Variants in HNRNPM observed in about 807,000 individuals in gnomAD.
The protein encoded by HNRNPM is heterogeneous nuclear ribonucleoprotein M, also known as CEA receptor.
A neutral mutation model predicts 73.1 loss-of-function variants in HNRNPM; 11 were observed. The observed-to-expected ratio is 0.15, with a 90% CI of 0.09 to 0.25. The LOEUF (loss-of-function observed/expected upper bound fraction) is 0.25. HNRNPM is among the 10% of genes least tolerant of loss of function. The pLI is 1.00. For missense variants in HNRNPM, 789 were observed against 1,067.9 expected, an observed-to-expected ratio of 0.74 and a Z score of 3.64; for synonymous variants, 407 against 355.2, an observed-to-expected ratio of 1.15 and a Z score of -1.64.
At chr19:8,446,325 C>T (rs949300322) in intron 1 of HNRNPM, among the ~76,000 whole-genome samples, 4 of 152,214 alleles carry the variant, frequency 2.6e-5, no homozygotes, top group Admixed American at 1.3e-4. Flanking sequence ...TCTTTCCTTT[C>T]TGTCTGTGAC....
At position 8,463,938 on chromosome 19, in the gene HNRNPM, C is replaced by G. The variant is rs139621012; in HGVS notation, c.438+252C>G. On this transcript the variant is annotated intron_variant, in intron 5 of 15. Coordinates refer to ENST00000325495, the MANE Select transcript of HNRNPM (RefSeq NM_005968.5). ...TGTGATTTGTCTGAGGCCTTGTTGT[C>G]TCAGGGACTCTCAAACCATGAGCCC... 6.2e-4 allele frequency: 271 copies of G among 437,306 alleles called. 1 individual carries two copies. Among genetic ancestry groups the G allele is most frequent in the African/African-American group, 4.6e-3 (236 of 50,826 alleles). 27.1% of individuals were successfully genotyped at this position (437,306 alleles called of 1,614,324 possible).
At chr19:8,478,590 T>G (rs908439606) in intron 12 of HNRNPM, among the ~76,000 whole-genome samples, 11 of 152,038 alleles carry the variant, frequency 7.2e-5, no homozygotes, top group African/African-American at 1.9e-4. Context: ...AGTCAGCTGG[T>G]TTTTTTTAAG....
intron 7 of HNRNPM, among the ~76,000 whole-genome samples, chr19:8,466,670 G>T (rs1340788734): frequency 6.6e-6 from 1 of 151,718 alleles, no homozygotes; most frequent in Admixed American, 6.6e-5. Flanking sequence ...ACTAAAAAAT[G>T]CAAAAATTAG....
intron 13 of HNRNPM, among the ~76,000 whole-genome samples, chr19:8,484,465 A>ACC (rs1170518145): frequency 1.3e-5 from 2 of 152,120 alleles, no homozygotes; most frequent in African/African-American, 4.8e-5. Context: ...GAGCCACCAC[A>ACC]CCCAGCTGCC....
chr19:8,449,249 A>G (rs1568256368), intron 1 of HNRNPM, among the ~76,000 whole-genome samples: 1 of 152,204 alleles, frequency 6.6e-6, no homozygotes. Context: ...GGTTAGGGAA[A>G]GAGATACTAG....
In HNRNPM at chr19:8,486,099, CATGGGCGCCAACAATCTGGAGCGG is replaced by C; in HGVS notation, c.1678_1701del (p.Ala560_Gly567del). On this transcript the variant is annotated inframe_deletion, in exon 14 of 16. Coordinates refer to ENST00000325495, the MANE Select transcript of HNRNPM (RefSeq NM_005968.5). ...ATCGCATGGCCACCGGCCTGGAGCG[CATGGGCGCCAACAATCTGGAGCGG>C]ATGGGCCTGGAGCGCATGGGCGCCA... is the stretch of plus-strand genomic sequence containing the variant. The C allele has an allele frequency of 6.2e-7, 1 of 1,606,308 alleles. No homozygotes were observed. The highest frequency in any genetic ancestry group is 8.5e-7 in the Non-Finnish European group (1 of 1,179,520).
chr19:8,486,110 A>G lies in HNRNPM; in HGVS notation c.1682A>G (p.Asn561Ser). The G allele has an allele frequency of 4.4e-6, 7 of 1,604,974 alleles. No individual in the cohort carries two copies. Among genetic ancestry groups the G allele is most frequent in the Non-Finnish European group, 5.9e-6 (7 of 1,179,230 alleles). Residue 561 changes from asparagine to serine, a missense_variant, in exon 14 of 16, where the codon AAC becomes AGC. By Grantham distance (46) the Asn-to-Ser change is conservative. This residue lies in a region of HNRNPM where 604 missense variants were observed against 744.0 expected (regional missense o/e 0.81). Transcript: ENST00000325495. The stretch of plus-strand genomic sequence containing the variant: ...ACCGGCCTGGAGCGCATGGGCGCCA[A>G]CAATCTGGAGCGGATGGGCCTGGAG... ...MATGLERMGA[N>S]NLERMGLERM...
chr19:8,453,743 A>T (rs890156414), intron 1 of HNRNPM, among the ~76,000 whole-genome samples: 1 of 152,120 alleles, frequency 6.6e-6, no homozygotes, highest in Non-Finnish European at 1.5e-5. Context: ...CTGGCTCCTC[A>T]CTTGTTCCTG....
At chr19:8,470,899 C>G (rs1345392608) in intron 9 of HNRNPM, among the ~76,000 whole-genome samples, 2 of 152,080 alleles carry the variant, frequency 1.3e-5, no homozygotes, top group Non-Finnish European at 2.9e-5. Flanking sequence ...TAGTGGACAC[C>G]CAGGATGTTG....
chr19:8,445,815 T>C (rs1201474928), intron 1 of HNRNPM, among the ~76,000 whole-genome samples: 2 of 152,226 alleles, frequency 1.3e-5, no homozygotes, highest in Non-Finnish European at 2.9e-5. Context: ...ATCTGCTGCT[T>C]AGCGTTCACC....
intron 12 of HNRNPM, among the ~76,000 whole-genome samples, chr19:8,474,996 T>TGG (rs1355317210): frequency 6.6e-6 from 1 of 152,250 alleles, no homozygotes; most frequent in African/African-American, 2.4e-5. Flanking sequence ...ATTACAGGCG[T>TGG]GAGCCACCGT....
At position 8,471,402 on chromosome 19, in the gene HNRNPM, C is replaced by G; in HGVS notation, c.972C>G (p.Ile324Met). Residue 324 changes from isoleucine (I) to methionine (M), a missense_variant, in exon 10 of 16, where the codon ATC becomes ATG. Ile to Met is a conservative substitution (Grantham distance 10). Coordinates refer to ENST00000325495, the MANE Select transcript of HNRNPM (RefSeq NM_005968.5). ...PIDANHLNKG[I>M]GMGNIGPAGM... Reference sequence around the variant, plus strand: ...ATGCCAATCACCTGAATAAAGGCATCGGAATGGGAAACATAGGTCCCGCAG... The same window carrying G: ...ATGCCAATCACCTGAATAAAGGCATGGGAATGGGAAACATAGGTCCCGCAG... 3 of 1,604,202 alleles carry G rather than the reference C, an allele frequency of 1.9e-6. No homozygotes were observed. The highest frequency in any genetic ancestry group is 1.7e-4 in the Middle Eastern group (1 of 6,036).
intron 1 of HNRNPM, among the ~76,000 whole-genome samples, chr19:8,446,207 A>G (rs1968173932): frequency 1.3e-5 from 2 of 152,204 alleles, no homozygotes; most frequent in South Asian, 4.1e-4. Context: ...ATTCAGTGGC[A>G]TTGAGTATAC....
At chr19:8,455,920 T>C (rs1599760508) in intron 2 of HNRNPM, among the ~76,000 whole-genome samples, 2 of 146,692 alleles carry the variant, frequency 1.4e-5, no homozygotes, top group Admixed American at 7.1e-5. Flanking sequence ...GCACGTTAGG[T>C]GGGAGAGATT....
intron 8 of HNRNPM, 139 bp from the exon 9 acceptor site, chr19:8,468,635 T>A: frequency 1.5e-6 from 1 of 658,448 alleles, no homozygotes; most frequent in Non-Finnish European, 2.8e-6. Flanking sequence ...CGCATGCCTT[T>A]CTACCCTTGC....
In HNRNPM at chr19:8,453,174, T is replaced by C. The variant is rs1011457652; in HGVS notation, c.114-2231T>C. Among the ~76,000 whole-genome samples, 24 of 149,284 alleles carry C rather than the reference T, an allele frequency of 1.6e-4. 1 individual carries two copies. The East Asian group carries it at 4.6e-3, about 29-fold the overall frequency. Reference sequence around the variant, plus strand: ...TTGTTTGTTTGGAGACAGAGTCTCATTATGTCACTCAGGCTGGAGTGCAGT... The same window carrying C: ...TTGTTTGTTTGGAGACAGAGTCTCACTATGTCACTCAGGCTGGAGTGCAGT... On this transcript the variant is annotated intron_variant, in intron 1 of 15. Coordinates refer to ENST00000325495, the MANE Select transcript of HNRNPM (RefSeq NM_005968.5).
At chr19:8,446,780 A>T (rs1282379047) in intron 1 of HNRNPM, among the ~76,000 whole-genome samples, 5 of 152,158 alleles carry the variant, frequency 3.3e-5, no homozygotes, top group Non-Finnish European at 7.3e-5. Flanking sequence ...AAAATTCCAG[A>T]TTCTTTCCCT....
chr19:8,453,228 G>A (rs923074500), intron 1 of HNRNPM, among the ~76,000 whole-genome samples: 1 of 151,968 alleles, frequency 6.6e-6, no homozygotes, highest in African/African-American at 2.4e-5. Flanking sequence ...TGCAACCTCC[G>A]CCCCCCGGGT....
In HNRNPM at chr19:8,485,921, C is replaced by T; in HGVS notation, c.1493C>T (p.Ala498Val). 6.2e-7 allele frequency: 1 copy of T among 1,604,250 alleles called. No individual in the cohort carries two copies. ...AGMGFGLERM[A>V]APIDRVGQTI... ...ATGGGCTTCGGCCTTGAGCGCATGGCCGCTCCCATCGACCGTGTGGGCCAG... is the reference window on the plus strand; with the variant it reads ...ATGGGCTTCGGCCTTGAGCGCATGGTCGCTCCCATCGACCGTGTGGGCCAG... Residue 498 changes from alanine (A) to valine (V), a missense_variant, in exon 14 of 16, where the codon GCC becomes GTC. Transcript: ENST00000325495.
Sources: allele counts gnomAD v4.1 joint callset (sites outside exome capture counted in the v4.1 genomes callset), GRCh38; gene constraint gnomAD v4.1.1; regional missense constraint gnomAD v4.1.1; transcripts MANE v1.5; gene names NCBI Gene and HGNC (gene_info 2026-07-23, HGNC 2026-07-21).